RERE: variants seen among roughly 807,000 people sequenced by gnomAD.
RERE encodes arginine-glutamic acid dipeptide repeats protein.
A neutral mutation model predicts 146.1 loss-of-function variants in RERE; 40 were observed. That is an observed-to-expected ratio of 0.27 (90% confidence interval 0.21 to 0.36). RERE has a LOEUF of 0.36. RERE is among the 10% of genes least tolerant of loss of function. The probability of loss-of-function intolerance (pLI) is 1.00; values close to 1 mark genes in which losing one functional copy is unlikely to be tolerated. For synonymous variants in RERE, 1,003 were observed against 866.0 expected (o/e 1.16, Z -2.78); for missense variants, 1,933 against 2,138.7 (o/e 0.90, Z 1.90).
intron 3 of RERE, among the ~76,000 whole-genome samples, chr1:8,622,864 C>A (rs578189043): frequency 6.6e-6 from 1 of 152,010 alleles, no homozygotes; most frequent in East Asian, 1.9e-4. Flanking sequence ...AGAGAAAGAT[C>A]TTTTCAAACT....
chr1:8,606,939 T>G (rs1646718844), intron 4 of RERE, among the ~76,000 whole-genome samples: 1 of 151,918 alleles, frequency 6.6e-6, no homozygotes. Context: ...GCATAATAAT[T>G]TATATAGACT....
At chr1:8,665,015 C>G (rs1260698810) in intron 1 of RERE, among the ~76,000 whole-genome samples, 1 of 152,004 alleles carries the variant, frequency 6.6e-6, no homozygotes, top group African/African-American at 2.4e-5. Flanking sequence ...ATCCTTTTTT[C>G]GCTTCATCTC....
intron 10 of RERE, among the ~76,000 whole-genome samples, chr1:8,494,021 A>AC (rs769063446): frequency 4.2e-4 from 64 of 152,344 alleles, no homozygotes; most frequent in Non-Finnish European, 7.5e-4. Context: ...AGAACGAAAG[A>AC]CAACTGGTTT....
chr1:8,501,043 G>GGT (rs1645136240), intron 8 of RERE, among the ~76,000 whole-genome samples: 3 of 93,694 alleles, frequency 3.2e-5, no homozygotes, highest in African/African-American at 1.1e-4. Flanking sequence ...GGGGGGGGGG[G>GGT]GTCAGCCCCC....
intron 2 of RERE, among the ~76,000 whole-genome samples, chr1:8,639,130 A>C (rs1417117432): frequency 1.3e-5 from 2 of 152,208 alleles, no homozygotes; most frequent in East Asian, 3.8e-4. Flanking sequence ...AGGGCAAAAG[A>C]AGAAGCAGTA....
chr1:8,422,855 G>C, intron 11 of RERE, 48 bp from the exon 12 acceptor site: 4 of 1,358,686 alleles, frequency 2.9e-6, no homozygotes, highest in Non-Finnish European at 4.2e-6. Context: ...AAACAAAACA[G>C]GATGTCAGCA....
chr1:8,611,540 A>G (rs1422551680), intron 4 of RERE, among the ~76,000 whole-genome samples: 1 of 150,764 alleles, frequency 6.6e-6, no homozygotes, highest in Non-Finnish European at 1.5e-5. Context: ...ACACTACTCA[A>G]ATAAAACAGT....
intron 1 of RERE, among the ~76,000 whole-genome samples, chr1:8,716,635 C>T (rs977541181): frequency 6.6e-6 from 1 of 151,836 alleles, no homozygotes; most frequent in African/African-American, 2.4e-5. Context: ...AAACAGTACA[C>T]CACCACTTGA....
At chr1:8,559,275 CAG>C (rs1646044037) in intron 4 of RERE, among the ~76,000 whole-genome samples, 1 of 7,528 alleles carries the variant, frequency 1.3e-4, no homozygotes, top group Non-Finnish European at 2.4e-4. Flanking sequence ...AGCAAAACTC[CAG>C]CTCAAAAAAA....
At chr1:8,688,864 T>C (rs6577518) in intron 1 of RERE, among the ~76,000 whole-genome samples, 34,868 of 152,170 alleles carry the variant, frequency 0.23, 5,591 homozygotes, top group East Asian at 0.76. Flanking sequence ...AGCTAAGCTA[T>C]GGATTTTGGT....
At chr1:8,658,319 C>A (rs1638370443) in intron 1 of RERE, among the ~76,000 whole-genome samples, 1 of 152,144 alleles carries the variant, frequency 6.6e-6, no homozygotes, top group Non-Finnish European at 1.5e-5. Context: ...AAGGAGGCAA[C>A]CGATCAATCT....
chr1:8,529,338 G>T (rs1454506204), intron 7 of RERE, among the ~76,000 whole-genome samples: 1 of 137,106 alleles, frequency 7.3e-6, no homozygotes, highest in Non-Finnish European at 1.5e-5. Context: ...TGCACAGGCT[G>T]GAGTGCAGTG....
chr1:8,778,972 AAGT>A, intron 1 of RERE, among the ~76,000 whole-genome samples: 1 of 152,002 alleles, frequency 6.6e-6, no homozygotes, highest in Non-Finnish European at 1.5e-5. Context: ...CTCAGCTCCC[AAGT>A]GGCTGGGATT....
At position 8,655,953 on chromosome 1, in the gene RERE, C is replaced by A. The variant is rs1382159339; in HGVS notation, c.325+20G>T. On this transcript the variant is annotated intron_variant, in intron 2 of 22. Coordinates refer to ENST00000400908, the MANE Select transcript of RERE (RefSeq NM_001042681.2). The stretch of plus-strand genomic sequence containing the variant: ...CCCCCACTGTAAACATTGGCAAGAC[C>A]CAAACGTAAGGCTCCTTACCTCCTG... 2.2e-5 allele frequency: 35 copies of A among 1,606,918 alleles called. No individual in the cohort carries two copies. The highest frequency in any genetic ancestry group is 3.0e-5 in the Non-Finnish European group (35 of 1,176,516).
At chr1:8,641,794 G>A (rs1411459674) in intron 2 of RERE, among the ~76,000 whole-genome samples, 2 of 152,148 alleles carry the variant, frequency 1.3e-5, no homozygotes, top group Non-Finnish European at 2.9e-5. Flanking sequence ...TTATCATGGC[G>A]ACACCTTAAG....
At chr1:8,428,597 C>A (rs1484816120) in intron 11 of RERE, 1 of 152,106 alleles carries the variant, frequency 6.6e-6, no homozygotes, top group Non-Finnish European at 1.5e-5. Context: ...AAGTAAGTTA[C>A]CTGAACCCAG....
At chr1:8,661,657 T>C (rs1638459779) in intron 1 of RERE, among the ~76,000 whole-genome samples, 1 of 151,940 alleles carries the variant, frequency 6.6e-6, no homozygotes. Context: ...CTGATAAACT[T>C]GAGAGGTGAG....
intron 2 of RERE, among the ~76,000 whole-genome samples, chr1:8,637,740 TTC>T (rs1289956165): frequency 6.6e-6 from 1 of 152,206 alleles, no homozygotes; most frequent in East Asian, 1.9e-4. Flanking sequence ...TTTCTCCAAT[TTC>T]TCTTTTTTGT....
At chr1:8,365,470 A>T (rs1641769147) in intron 13 of RERE, among the ~76,000 whole-genome samples, 1 of 152,248 alleles carries the variant, frequency 6.6e-6, no homozygotes, top group South Asian at 2.1e-4. Context: ...CAAGCAGGAC[A>T]TCAAGTACAT....
Sources: allele counts gnomAD v4.1 joint callset (sites outside exome capture counted in the v4.1 genomes callset), GRCh38; gene constraint gnomAD v4.1.1; transcripts MANE v1.5; gene names NCBI Gene and HGNC (gene_info 2026-07-23, HGNC 2026-07-21).